PPP2R3C: variants seen among roughly 807,000 people sequenced by gnomAD.
The protein encoded by PPP2R3C is protein phosphatase 2 regulatory subunit B''gamma.
PPP2R3C carries 47 observed loss-of-function variants against 63.7 expected under a neutral mutation model. That is an observed-to-expected ratio of 0.74 (90% confidence interval 0.58 to 0.94). The LOEUF is 0.94. Among genes scored for constraint, PPP2R3C ranks in the 40% least tolerant of loss-of-function variants. PPP2R3C has a pLI of 0.00. For synonymous variants in PPP2R3C, 180 were observed against 177.4 expected (o/e 1.01, Z -0.12); for missense variants, 421 against 518.4 (o/e 0.81, Z 1.82).
intron 1 of PPP2R3C, among the ~76,000 whole-genome samples, chr14:35,120,116 G>GAT (rs2046822004): frequency 6.6e-6 from 1 of 151,836 alleles, no homozygotes; most frequent in African/African-American, 2.4e-5. Context: ...TGGGATTACA[G>GAT]GCTTGAGCCA....
Position 35,113,532 on chromosome 14 carries a change from G to A in PPP2R3C, c.187-2903C>T, listed in dbSNP as rs567361610. On this transcript the variant is annotated intron_variant, in intron 2 of 12. Transcript: ENST00000261475. ...ACCATTCCTATCCAAGAGCTGTTAGGAATGAGACAGAGTAGGAATGGGGGC... is the reference window on the plus strand; with the variant it reads ...ACCATTCCTATCCAAGAGCTGTTAGAAATGAGACAGAGTAGGAATGGGGGC... Among the ~76,000 whole-genome samples, 45 of 152,246 alleles carry A rather than the reference G, an allele frequency of 3.0e-4. No individual in the cohort carries two copies. In the Middle Eastern group the frequency reaches 0.01, roughly 35 times the overall value.
intron 1 of PPP2R3C, among the ~76,000 whole-genome samples, chr14:35,119,768 G>A (rs1165254451): frequency 2.3e-5 from 3 of 131,108 alleles, no homozygotes; most frequent in African/African-American, 7.2e-5. Flanking sequence ...GAGGCTGGAA[G>A]GAAGTCAGTG....
At chr14:35,114,791 G>C (rs556971040) in intron 2 of PPP2R3C, among the ~76,000 whole-genome samples, 1 of 152,096 alleles carries the variant, frequency 6.6e-6, no homozygotes, top group Admixed American at 6.5e-5. Flanking sequence ...TCAGGAGTAC[G>C]AGACCAGCCT....
At chr14:35,109,618 C>T (rs2046481723) in intron 4 of PPP2R3C, among the ~76,000 whole-genome samples, 1 of 151,872 alleles carries the variant, frequency 6.6e-6, no homozygotes, top group Non-Finnish European at 1.5e-5. Context: ...TACGCCCCCA[C>T]ACCCAGATAA....
chr14:35,108,551 A>G (rs117492004), intron 4 of PPP2R3C, among the ~76,000 whole-genome samples: 11,275 of 152,134 alleles, frequency 0.074, 520 homozygotes, highest in Middle Eastern at 0.11. Flanking sequence ...AAAATACAAA[A>G]AGTATTTGTA....
At chr14:35,118,143 T>C (rs536980414) in intron 1 of PPP2R3C, among the ~76,000 whole-genome samples, 1 of 152,304 alleles carries the variant, frequency 6.6e-6, no homozygotes, top group Non-Finnish European at 1.5e-5. Flanking sequence ...TCACTGATGA[T>C]TCTTGACAAG....
At chr14:35,107,449 G>T in intron 5 of PPP2R3C, 75 bp from the exon 6 acceptor site, 1 of 1,200,204 alleles carries the variant, frequency 8.3e-7, no homozygotes, top group South Asian at 1.3e-5. Flanking sequence ...TAAAGAGCCA[G>T]ATTTGAGACA....
intron 10 of PPP2R3C, among the ~76,000 whole-genome samples, chr14:35,093,566 A>G (rs1260522237): frequency 1.1e-4 from 17 of 151,892 alleles, no homozygotes; most frequent in Admixed American, 9.9e-4. Flanking sequence ...CTGCTATTGA[A>G]GCTAAATGAT....
intron 10 of PPP2R3C, among the ~76,000 whole-genome samples, chr14:35,094,499 A>G (rs1177548049): frequency 1.3e-5 from 2 of 151,526 alleles, no homozygotes; most frequent in African/African-American, 2.4e-5. Flanking sequence ...AAAAAAAACT[A>G]GAATGCACTA....
chr14:35,089,962 G>A (rs1393720096), intron 11 of PPP2R3C, among the ~76,000 whole-genome samples: 5 of 151,952 alleles, frequency 3.3e-5, no homozygotes, highest in African/African-American at 7.3e-5. Context: ...ACCGCAACCC[G>A]GCCGATTTTT....
At chr14:35,093,497 A>T (rs990208885) in intron 10 of PPP2R3C, among the ~76,000 whole-genome samples, 2 of 151,926 alleles carry the variant, frequency 1.3e-5, no homozygotes, top group Admixed American at 1.3e-4. Context: ...TACAAAGTAA[A>T]TTTTCTGTGC....
chr14:35,097,231 AAAG>A (rs886942472), intron 7 of PPP2R3C, among the ~76,000 whole-genome samples: 7 of 152,136 alleles, frequency 4.6e-5, no homozygotes, highest in African/African-American at 1.2e-4. Flanking sequence ...TGCAAAAAAA[AAAG>A]AGAAACCTAC....
At chr14:35,105,590 A>AG (rs1448611980) in intron 6 of PPP2R3C, among the ~76,000 whole-genome samples, 1 of 152,168 alleles carries the variant, frequency 6.6e-6, no homozygotes, top group Non-Finnish European at 1.5e-5. Context: ...GTTAAAAAAA[A>AG]TAAAAATAAA....
chr14:35,122,042 G>A (rs1404938911), upstream of PPP2R3C: 1 of 1,509,164 alleles, frequency 6.6e-7, no homozygotes, highest in Non-Finnish European at 9.2e-7. Flanking sequence ...GCACCGCCAG[G>A]CCCCGTAAAG....
At chr14:35,089,933 G>C (rs1366569453) in intron 11 of PPP2R3C, among the ~76,000 whole-genome samples, 1 of 151,932 alleles carries the variant, frequency 6.6e-6, no homozygotes, top group Admixed American at 6.6e-5. Flanking sequence ...CCAAAGTGCT[G>C]GGATTACAGG....
At chr14:35,086,736 G>C (rs1233742673) in intron 12 of PPP2R3C, 1 of 152,040 alleles carries the variant, frequency 6.6e-6, no homozygotes, top group Non-Finnish European at 1.5e-5. Context: ...GACCTCAGGT[G>C]ATCCGCCTGC....
intron 1 of PPP2R3C, 51 bp from the exon 2 acceptor site, chr14:35,116,788 T>G: frequency 7.1e-7 from 1 of 1,407,382 alleles, no homozygotes; most frequent in Non-Finnish European, 9.5e-7. Flanking sequence ...AGCAGTACTT[T>G]TACTCAGGTC....
At chr14:35,100,296 A>G (rs1307866234) in intron 6 of PPP2R3C, 2 of 152,174 alleles carry the variant, frequency 1.3e-5, no homozygotes, top group Admixed American at 6.5e-5. Context: ...ATTCATAGAT[A>G]TTGTGGAAGA....
At chr14:35,115,833 G>C (rs2046694863) in intron 2 of PPP2R3C, among the ~76,000 whole-genome samples, 1 of 152,072 alleles carries the variant, frequency 6.6e-6, no homozygotes, top group South Asian at 2.1e-4. Context: ...TGTTGGTCAG[G>C]CTGGTCTCGA....
Sources: allele counts gnomAD v4.1 joint callset (sites outside exome capture counted in the v4.1 genomes callset), GRCh38; gene constraint gnomAD v4.1.1; transcripts MANE v1.5; gene names NCBI Gene and HGNC (gene_info 2026-07-23, HGNC 2026-07-21).